Variants in DGKI observed in about 807,000 individuals in gnomAD.
DGKI encodes diacylglycerol kinase iota.
A neutral mutation model predicts 147.5 loss-of-function variants in DGKI; 55 were observed. The observed-to-expected ratio is 0.37, with a 90% confidence interval of 0.30 to 0.47. DGKI has a LOEUF of 0.47. Among genes scored for constraint, DGKI ranks in the 20% least tolerant of loss-of-function variants. The pLI, the probability that DGKI is intolerant of heterozygous loss-of-function variation, is 1.00. For missense variants in DGKI, 1,007 were observed against 1,323.8 expected, an observed-to-expected ratio of 0.76 and a Z score of 3.71; for synonymous variants, 469 against 477.1, an observed-to-expected ratio of 0.98 and a Z score of 0.22.
rs552710651 is a variant in DGKI, at chr7:137,553,709, G to C, written c.1948-1141C>G. On this transcript the variant is annotated intron_variant, in intron 19 of 32. Transcript: ENST00000614521. ...TGAACCTCCATCGAGACCAAAGTTT[G>C]GAAAATGTATAACACCCAGAAGGTT... Among the ~76,000 whole-genome samples the C allele has an allele frequency of 3.5e-4, 54 of 152,150 alleles. No individual in the cohort carries two copies. The East Asian group carries it at 6.6e-3, about 18-fold the overall frequency.
intron 12 of DGKI, among the ~76,000 whole-genome samples, chr7:137,588,828 A>C (rs1476063332): frequency 6.6e-6 from 1 of 152,176 alleles, no homozygotes; most frequent in Admixed American, 6.5e-5. Context: ...TTAATGAATT[A>C]TTGTATTAAA....
Position 137,392,694 on chromosome 7 carries a change from C to T in DGKI, c.3058-1358G>A, listed in dbSNP as rs140415130. Reference sequence around the variant, plus strand: ...GAATAATTTTTATTCAACTTGTTTGCAGCCTTAGTAGATAATTGTGTCTTT... The same window carrying T: ...GAATAATTTTTATTCAACTTGTTTGTAGCCTTAGTAGATAATTGTGTCTTT... On this transcript the variant is annotated intron_variant, in intron 32 of 32. Transcript: ENST00000614521. Among the ~76,000 whole-genome samples the T allele has an allele frequency of 8.2e-4, 125 of 152,250 alleles. No individual in the cohort carries two copies. In the East Asian group the frequency reaches 0.019, roughly 23 times the overall value.
chr7:137,454,691 A>T (rs1814115375), intron 27 of DGKI: 1 of 151,800 alleles, frequency 6.6e-6, no homozygotes, highest in Non-Finnish European at 1.5e-5. Context: ...CCCACTTTCT[A>T]AAAAAAAGGG....
intron 21 of DGKI, among the ~76,000 whole-genome samples, chr7:137,500,610 T>C (rs755178892): frequency 7.9e-5 from 12 of 152,140 alleles, no homozygotes; most frequent in Non-Finnish European, 1.8e-4. Flanking sequence ...CCACAAATTG[T>C]AAACAGCCAG....
chr7:137,571,318 A>G (rs748834144), intron 18 of DGKI, 32 bp from the exon 19 acceptor site: 5 of 1,470,638 alleles, frequency 3.4e-6, no homozygotes, highest in Non-Finnish European at 4.7e-6. Context: ...AGAAGTAAAT[A>G]TGTCCCATCC....
intron 19 of DGKI, among the ~76,000 whole-genome samples, chr7:137,554,081 TA>T (rs1325162887): frequency 6.6e-6 from 1 of 152,180 alleles, no homozygotes; most frequent in Non-Finnish European, 1.5e-5. Flanking sequence ...GTAGAGTTAA[TA>T]ACTGTCAATG....
At chr7:137,451,868 A>AT (rs959118435) in intron 27 of DGKI, among the ~76,000 whole-genome samples, 10 of 151,438 alleles carry the variant, frequency 6.6e-5, no homozygotes, top group East Asian at 1.9e-4. Context: ...TGCTTTATTT[A>AT]TTTTTTTTCA....
At chr7:137,559,048 T>G (rs940008395) in intron 19 of DGKI, among the ~76,000 whole-genome samples, 3 of 151,368 alleles carry the variant, frequency 2.0e-5, no homozygotes, top group African/African-American at 4.9e-5. Flanking sequence ...TGATTCTAGG[T>G]TGTACCTACA....
At chr7:137,613,927 T>C (rs1406545655) in intron 8 of DGKI, among the ~76,000 whole-genome samples, 1 of 152,182 alleles carries the variant, frequency 6.6e-6, no homozygotes, top group Non-Finnish European at 1.5e-5. Context: ...TGCATTTCCA[T>C]GCATGTAAAC....
At position 137,846,212 on chromosome 7, in the gene DGKI, T is replaced by G. The variant is rs1798724223; in HGVS notation, c.401+250A>C. ...ACACACACACACACACAGACAAAAT[T>G]TCTGTTGCTCTGACCTTAGGGACCC... On this transcript the variant is annotated intron_variant, in intron 1 of 32. Coordinates refer to ENST00000614521, the MANE Select transcript of DGKI (RefSeq NM_001321708.2). This position sits in a 1 kb window ranked among gnomAD's most constrained non-coding sequence, Gnocchi z 4.0. 7.8e-6 allele frequency among the ~76,000 whole-genome samples: 1 copy of G among 128,290 alleles called. No homozygotes were observed. The highest frequency in any genetic ancestry group is 3.0e-5 in the African/African-American group (1 of 33,098). 84.2% of individuals were successfully genotyped at this position (128,290 alleles called of 152,430 possible). A position where few individuals can be genotyped will look rare whatever the true frequency, so the allele number is the denominator to read the frequency against.
chr7:137,690,958 G>C (rs188898314), intron 1 of DGKI, among the ~76,000 whole-genome samples: 7 of 152,292 alleles, frequency 4.6e-5, no homozygotes, highest in African/African-American at 1.7e-4. Context: ...CAAGGGTCTA[G>C]AGCTTAAACA....
At chr7:137,545,457 G>T (rs781121256) in intron 20 of DGKI, among the ~76,000 whole-genome samples, 1 of 151,848 alleles carries the variant, frequency 6.6e-6, no homozygotes, top group Non-Finnish European at 1.5e-5. Flanking sequence ...AACTTTTACT[G>T]TAACTATGGA....
intron 1 of DGKI, among the ~76,000 whole-genome samples, chr7:137,743,442 T>C (rs935067703): frequency 6.6e-6 from 1 of 152,152 alleles, no homozygotes; most frequent in Admixed American, 6.5e-5. Context: ...TCTTGGACCA[T>C]AGAGGGATTA....
intron 20 of DGKI, among the ~76,000 whole-genome samples, chr7:137,534,661 AT>A (rs550397187): frequency 1.6e-3 from 238 of 152,204 alleles, no homozygotes; most frequent in African/African-American, 5.3e-3. Context: ...TAATAAAAAA[AT>A]ATTTTAAACA....
chr7:137,568,075 TA>T (rs1818652524), intron 19 of DGKI, among the ~76,000 whole-genome samples: 1 of 152,158 alleles, frequency 6.6e-6, no homozygotes, highest in African/African-American at 2.4e-5. Context: ...TATTTATCTT[TA>T]AAAAAATTTT....
chr7:137,785,590 T>G (rs902152946), intron 1 of DGKI, among the ~76,000 whole-genome samples: 1 of 151,598 alleles, frequency 6.6e-6, no homozygotes, highest in Admixed American at 6.6e-5. Context: ...TTCCGCAAGA[T>G]AGACAAAGAA....
chr7:137,653,729 G>A (rs547425281), intron 5 of DGKI, among the ~76,000 whole-genome samples: 2 of 152,274 alleles, frequency 1.3e-5, no homozygotes, highest in East Asian at 3.9e-4. Flanking sequence ...ACCAGCTGGG[G>A]AGGTTTCCAA....
chr7:137,532,450 G>A lies in DGKI; in HGVS notation c.2148-10484C>T, dbSNP rs193170154. On this transcript the variant is annotated intron_variant, in intron 20 of 32. Coordinates refer to ENST00000614521, the MANE Select transcript of DGKI (RefSeq NM_001321708.2). ...TCTGAGTATCAGAGAAAAAATTATT[G>A]CAGAATTGTTTGTTTTTCTTCATTA... Among the ~76,000 whole-genome samples the A allele has an allele frequency of 6.4e-4, 97 of 152,200 alleles. 1 individual carries two copies. In the East Asian group the frequency reaches 0.014, roughly 23 times the overall value.
At chr7:137,721,894 C>T (rs905338013) in intron 1 of DGKI, 25 of 777,230 alleles carry the variant, frequency 3.2e-5, no homozygotes, top group Middle Eastern at 2.7e-4. Context: ...CTAACTTCTG[C>T]CTAATTCCAA....
Sources: allele counts gnomAD v4.1 joint callset (sites outside exome capture counted in the v4.1 genomes callset), GRCh38; gene constraint gnomAD v4.1.1; non-coding constraint Gnocchi (gnomAD v3.1); transcripts MANE v1.5; gene names NCBI Gene and HGNC (gene_info 2026-07-23, HGNC 2026-07-21).